Variants in PGM3 observed in about 807,000 individuals in gnomAD.
PGM3 encodes the protein phosphoglucomutase 3.
In PGM3, 40 loss-of-function variants were observed where a neutral mutation model predicts 66.2. The observed-to-expected ratio is 0.60, with a 90% CI of 0.47 to 0.79. The LOEUF is 0.79. PGM3 is among the 30% of genes least tolerant of loss of function. The pLI is 0.00. For missense variants in PGM3, 537 were observed against 643.4 expected (o/e 0.83, Z 1.79); for synonymous variants, 191 against 224.2 (o/e 0.85, Z 1.32).
At chr6:83,152,926 G>A in the PGM3 span, among the ~76,000 whole-genome samples, 1 of 151,968 alleles carries the variant, frequency 6.6e-6, no homozygotes, top group Non-Finnish European at 1.5e-5. Context: ...CCTGGGGAGG[G>A]GTGGAGGTGA....
In PGM3 at chr6:83,166,629, T is replaced by C; in HGVS notation, c.*2605A>G. 2.2e-6 allele frequency: 2 copies of C among 918,146 alleles called. No individual in the cohort carries two copies. Among genetic ancestry groups the C allele is most frequent in the Non-Finnish European group, 3.0e-6 (2 of 670,774 alleles). 56.9% of individuals were successfully genotyped at this position (918,146 alleles called of 1,614,324 possible). A position where few individuals can be genotyped will look rare whatever the true frequency, so the allele number is the denominator to read the frequency against. On this transcript the variant is annotated 3_prime_UTR_variant, in exon 13 of 13. Coordinates refer to ENST00000513973, the MANE Select transcript of PGM3 (RefSeq NM_015599.3). Reference sequence around the variant, plus strand: ...ACATTTATTTAAGAATGTACTCCAATATAAAACGGCAAATTTCAACAATGC... The same window carrying C: ...ACATTTATTTAAGAATGTACTCCAACATAAAACGGCAAATTTCAACAATGC...
At chr6:83,150,993 ACT>A in the PGM3 span, among the ~76,000 whole-genome samples, 1 of 152,158 alleles carries the variant, frequency 6.6e-6, no homozygotes, top group Non-Finnish European at 1.5e-5. Flanking sequence ...AAATGTAACC[ACT>A]ATTCTAACAC....
At chr6:83,174,065 T>A (rs899094231) in intron 10 of PGM3, among the ~76,000 whole-genome samples, 2 of 152,004 alleles carry the variant, frequency 1.3e-5, no homozygotes, top group African/African-American at 2.4e-5. Context: ...CTTAATTTCA[T>A]CGAGGTTTGG....
At chr6:83,193,768 TC>T, upstream of PGM3, 1 of 152,970 alleles carries the variant, frequency 6.5e-6, no homozygotes, top group Non-Finnish European at 1.5e-5. Context: ...GGTACCCCCT[TC>T]CCCCAGCTCA....
chr6:83,157,279 A>G (rs763349946), downstream of PGM3: 44 of 1,613,810 alleles, frequency 2.7e-5, no homozygotes, highest in Middle Eastern at 1.6e-4. Context: ...TGTCTCCCCA[A>G]CATCTTACCT....
At chr6:83,185,140 G>C (rs775989114) in intron 4 of PGM3, among the ~76,000 whole-genome samples, 7 of 152,190 alleles carry the variant, frequency 4.6e-5, no homozygotes, top group Non-Finnish European at 1.0e-4. Context: ...TTGGGGCAGG[G>C]TGAACATGAG....
At chr6:83,171,712 C>G (rs1787185001) in intron 11 of PGM3, among the ~76,000 whole-genome samples, 1 of 152,122 alleles carries the variant, frequency 6.6e-6, no homozygotes, top group Non-Finnish European at 1.5e-5. Flanking sequence ...TGGTCTCAAT[C>G]CCTTGACCTC....
chr6:83,153,763 A>T, the PGM3 span: 1 of 1,187,554 alleles, frequency 8.4e-7, no homozygotes, highest in Non-Finnish European at 1.2e-6. Context: ...TTCATATATT[A>T]TTTTTCTTAT....
At chr6:83,160,461 C>T (rs960789735), downstream of PGM3, among the ~76,000 whole-genome samples, 1 of 152,142 alleles carries the variant, frequency 6.6e-6, no homozygotes, top group Non-Finnish European at 1.5e-5. Flanking sequence ...GGGATTAAAC[C>T]ATGTAAGACC....
intron 5 of PGM3, 137 bp downstream of exon 5, chr6:83,182,708 A>T: frequency 1.3e-6 from 1 of 783,330 alleles, no homozygotes; most frequent in Non-Finnish European, 2.1e-6. Flanking sequence ...GTGTAGCCCT[A>T]GAGAAAAACA....
chr6:83,153,580 A>G, the PGM3 span: 1 of 1,609,650 alleles, frequency 6.2e-7, no homozygotes, highest in Non-Finnish European at 8.5e-7. Flanking sequence ...TTTACTTGTA[A>G]ATATTATGCA....
intron 4 of PGM3, 54 bp from the exon 5 acceptor site, chr6:83,183,032 A>G (rs1014862206): frequency 6.5e-7 from 1 of 1,541,622 alleles, no homozygotes; most frequent in Non-Finnish European, 8.9e-7. Flanking sequence ...AAGAGAAAAA[A>G]GTTTAAATGC....
intron 3 of PGM3, among the ~76,000 whole-genome samples, chr6:83,187,359 G>A (rs904857052): frequency 9.2e-5 from 14 of 152,098 alleles, no homozygotes; most frequent in Admixed American, 7.2e-4. Flanking sequence ...TTTCAAGTTC[G>A]ACTACAGCAA....
intron 8 of PGM3, among the ~76,000 whole-genome samples, chr6:83,177,618 CAA>C (rs1787877423): frequency 1.3e-5 from 2 of 152,138 alleles, no homozygotes; most frequent in African/African-American, 4.8e-5. Context: ...TGGCTAATGA[CAA>C]AAATTCTCTC....
intron 10 of PGM3, among the ~76,000 whole-genome samples, chr6:83,174,077 T>TA (rs953831088): frequency 2.0e-5 from 3 of 151,388 alleles, no homozygotes; most frequent in African/African-American, 4.9e-5. Flanking sequence ...GAGGTTTGGT[T>TA]AAAAAAAAAT....
intron 4 of PGM3, among the ~76,000 whole-genome samples, chr6:83,183,628 C>T (rs565688146): frequency 5.9e-5 from 9 of 152,226 alleles, no homozygotes; most frequent in South Asian, 2.1e-4. Context: ...GCAGGGAAGA[C>T]GGGAAAACCC....
chr6:83,153,753 T>A, the PGM3 span: 15 of 1,173,058 alleles, frequency 1.3e-5, no homozygotes, highest in East Asian at 8.1e-5. Context: ...TTTAAAAAAA[T>A]TCATATATTA....
Position 83,168,435 on chromosome 6 carries a change from T to G in PGM3, c.*799A>C. On this transcript the variant is annotated 3_prime_UTR_variant, in exon 13 of 13. Transcript: ENST00000513973. ...TTGTTTTTATTGTCCTGAGTTGTCT[T>G]AAACCTGCAAAATATACACTACCCA... is the stretch of plus-strand genomic sequence containing the variant. 8.9e-7 allele frequency: 1 copy of G among 1,125,070 alleles called. No homozygotes were observed. Among genetic ancestry groups the G allele is most frequent in the Non-Finnish European group, 1.1e-6 (1 of 919,710 alleles). 69.7% of individuals were successfully genotyped at this position (1,125,070 alleles called of 1,614,324 possible).
chr6:83,148,857 T>C, the PGM3 span: 8 of 1,522,858 alleles, frequency 5.3e-6, no homozygotes, highest in Non-Finnish European at 7.0e-6. Flanking sequence ...CAGTTTCTTA[T>C]ACTTGGGTAA....
Sources: allele counts gnomAD v4.1 joint callset (sites outside exome capture counted in the v4.1 genomes callset), GRCh38; gene constraint gnomAD v4.1.1; transcripts MANE v1.5; gene names NCBI Gene and HGNC (gene_info 2026-07-23, HGNC 2026-07-21).